Variants in PPM1A observed in about 807,000 individuals in gnomAD.
PPM1A encodes protein phosphatase, Mg2+/Mn2+ dependent 1A, also known as protein phosphatase 1A.
PPM1A carries 7 observed loss-of-function variants against 35.0 expected under a neutral mutation model. The observed-to-expected ratio is 0.20, with a 90% CI of 0.11 to 0.38. PPM1A has a LOEUF of 0.38. Ranked by LOEUF, PPM1A falls within the 10% of genes least tolerant of loss-of-function variation. PPM1A has a pLI of 1.00. For synonymous variants in PPM1A, 153 were observed against 167.3 expected (o/e 0.91, Z 0.66); for missense variants, 239 against 467.8 (o/e 0.51, Z 4.51).
rs1887799678 is a variant in PPM1A at position 60,293,171 on chromosome 14, C to T, written c.*689C>T. Reference sequence around the variant, plus strand: ...AGAATCTCAATCTTGGGGCTAAATGCCTTGTTTCTTTGCACCTCTTTTCAA... The same window carrying T: ...AGAATCTCAATCTTGGGGCTAAATGTCTTGTTTCTTTGCACCTCTTTTCAA... On this transcript the variant is annotated 3_prime_UTR_variant, in exon 6 of 6. Coordinates refer to ENST00000395076, the MANE Select transcript of PPM1A (RefSeq NM_021003.5). The surrounding 1 kb of genome is among the most constrained non-coding windows in gnomAD (Gnocchi z 4.0). 1 of 151,898 alleles carries T rather than the reference C, an allele frequency of 6.6e-6. No individual in the cohort carries two copies. The highest frequency in any genetic ancestry group is 6.6e-5 in the Admixed American group (1 of 15,224). 9.4% of individuals were successfully genotyped at this position (151,898 alleles called of 1,614,324 possible).
intron 1 of PPM1A, among the ~76,000 whole-genome samples, chr14:60,255,569 C>T (rs1883018476): frequency 6.6e-6 from 1 of 152,182 alleles, no homozygotes; most frequent in African/African-American, 2.4e-5. Context: ...CAAAGGCTAG[C>T]GGCTAGCACA....
chr14:60,263,305 G>A (rs1459940761), intron 1 of PPM1A, among the ~76,000 whole-genome samples: 3 of 152,150 alleles, frequency 2.0e-5, no homozygotes, highest in Admixed American at 6.5e-5. Flanking sequence ...TTATGTTACT[G>A]TTGATGGAGA....
chr14:60,285,527 G>C, intron 2 of PPM1A, 97 bp from the exon 3 acceptor site: 1 of 1,280,618 alleles, frequency 7.8e-7, no homozygotes, highest in Non-Finnish European at 1.1e-6. Flanking sequence ...ATTTTCACTA[G>C]AACAAGTATA....
intron 1 of PPM1A, among the ~76,000 whole-genome samples, chr14:60,269,054 A>C (rs1342124099): frequency 6.6e-6 from 1 of 151,756 alleles, no homozygotes; most frequent in African/African-American, 2.4e-5. Flanking sequence ...TAATGTTTTA[A>C]GTGTGTTTGA....
intron 1 of PPM1A, among the ~76,000 whole-genome samples, chr14:60,251,497 A>C (rs1207958166): frequency 6.6e-6 from 1 of 152,246 alleles, no homozygotes; most frequent in Non-Finnish European, 1.5e-5. Flanking sequence ...CTGTGCTCCA[A>C]AATATCTGTG....
chr14:60,297,626 T>G lies in PPM1A; in HGVS notation c.*5144T>G, dbSNP rs1267746380. The G allele has an allele frequency of 6.6e-6, 1 of 151,712 alleles. No individual in the cohort carries two copies. Among genetic ancestry groups the G allele is most frequent in the African/African-American group, 2.4e-5 (1 of 41,396 alleles). The allele number at this position is 151,712 out of a possible 1,614,324, so 9.4% of individuals were successfully genotyped here. ...TTTACATAGTCCTCCTGATCCAGTA[T>G]AAGACTATTTAGTAACGTGCATTTG... On this transcript the variant is annotated 3_prime_UTR_variant, in exon 6 of 6. Coordinates refer to ENST00000395076, the MANE Select transcript of PPM1A (RefSeq NM_021003.5).
chr14:60,281,503 G>A (rs1886404034), intron 1 of PPM1A, among the ~76,000 whole-genome samples: 1 of 152,146 alleles, frequency 6.6e-6, no homozygotes, highest in Non-Finnish European at 1.5e-5. Context: ...TTTCAGAGCT[G>A]CGTAGTGATT....
At chr14:60,250,752 G>T (rs1437972801) in intron 1 of PPM1A, among the ~76,000 whole-genome samples, 1 of 152,264 alleles carries the variant, frequency 6.6e-6, no homozygotes, top group South Asian at 2.1e-4. Context: ...TTGCACGTTG[G>T]GGTTTTAAAC....
chr14:60,246,698 T>C (rs1042137232), upstream of PPM1A, among the ~76,000 whole-genome samples: 1 of 152,156 alleles, frequency 6.6e-6, no homozygotes, highest in Non-Finnish European at 1.5e-5. Context: ...TATGATGATA[T>C]TAAACATATT....
At chr14:60,274,518 T>C (rs1183091286) in intron 1 of PPM1A, among the ~76,000 whole-genome samples, 4 of 151,310 alleles carry the variant, frequency 2.6e-5, no homozygotes, top group African/African-American at 7.3e-5. Context: ...AAAAGGAAAA[T>C]AGTGTAACAT....
upstream of PPM1A, chr14:60,245,857 T>C (rs1214656414): frequency 1.3e-6 from 2 of 1,592,022 alleles, no homozygotes; most frequent in Non-Finnish European, 1.7e-6. This position sits in a 1 kb window ranked among gnomAD's most constrained non-coding sequence, Gnocchi z 4.2. Context: ...CATGTTCTGT[T>C]CTGGGAGAAA....
chr14:60,285,765 G>C, intron 3 of PPM1A, 24 bp downstream of exon 3: 1 of 1,599,294 alleles, frequency 6.3e-7, no homozygotes, highest in Non-Finnish European at 8.5e-7. Context: ...CAAAAAATAA[G>C]TAGCTTTATT....
At chr14:60,286,356 A>G (rs1887003548) in intron 3 of PPM1A, 2 of 985,744 alleles carry the variant, frequency 2.0e-6, no homozygotes, top group Non-Finnish European at 2.4e-6. Flanking sequence ...AGATTAAGAA[A>G]TAAGTTGAGC....
At chr14:60,271,028 A>G (rs139460387) in intron 1 of PPM1A, among the ~76,000 whole-genome samples, 1 of 152,350 alleles carries the variant, frequency 6.6e-6, no homozygotes, top group East Asian at 1.9e-4. Flanking sequence ...TATCATTTTC[A>G]CGGGGACAAA....
chr14:60,291,750 GT>G (rs77512505), intron 5 of PPM1A, among the ~76,000 whole-genome samples: 2,379 of 128,704 alleles, frequency 0.018, 41 homozygotes, highest in African/African-American at 0.048. Context: ...CCACTACATG[GT>G]TTTTTTTTTT....
At chr14:60,263,841 G>A (rs1055794899) in intron 1 of PPM1A, among the ~76,000 whole-genome samples, 4 of 151,940 alleles carry the variant, frequency 2.6e-5, no homozygotes, top group African/African-American at 9.7e-5. Context: ...TTAGGAAGTT[G>A]TACTTAAGGT....
upstream of PPM1A, among the ~76,000 whole-genome samples, chr14:60,249,040 T>A (rs1351761260): frequency 6.6e-6 from 1 of 151,980 alleles, no homozygotes; most frequent in African/African-American, 2.4e-5. This position sits in a 1 kb window ranked among gnomAD's most constrained non-coding sequence, Gnocchi z 4.5. Context: ...AGTGACGTCA[T>A]CTGTGGCGGC....
At chr14:60,261,025 C>G (rs1361798729) in intron 1 of PPM1A, among the ~76,000 whole-genome samples, 1 of 152,132 alleles carries the variant, frequency 6.6e-6, no homozygotes, top group East Asian at 1.9e-4. Context: ...AATTGTTCAG[C>G]AGCCTCTCAA....
At chr14:60,268,425 C>A (rs1328430831) in intron 1 of PPM1A, 2 of 963,884 alleles carry the variant, frequency 2.1e-6, no homozygotes, top group Non-Finnish European at 2.5e-6. Context: ...CAATAAAATT[C>A]TATTTGTGAG....
Sources: gnomAD v4.1 joint callset for allele counts (sites outside exome capture counted in the v4.1 genomes callset) on GRCh38, gnomAD v4.1.1 for gene constraint, Gnocchi (gnomAD v3.1) non-coding constraint, MANE v1.5 for transcripts, NCBI Gene and HGNC (gene_info 2026-07-23, HGNC 2026-07-21) for gene names.